The following NELL1 variants were observed in gnomAD, a reference collection of about 807,000 sequenced individuals.
NELL1 encodes the protein protein kinase C-binding protein NELL1.
A neutral mutation model predicts 107.4 loss-of-function variants in NELL1; 76 were observed. That is an observed-to-expected ratio of 0.71 (90% CI 0.59 to 0.86). The LOEUF (loss-of-function observed/expected upper bound fraction) is 0.86. Among genes scored for constraint, NELL1 ranks in the 40% least tolerant of loss-of-function variants. NELL1 has a pLI of 0.00. For synonymous variants in NELL1, 353 were observed against 341.2 expected (o/e 1.03, Z -0.38); for missense variants, 1,024 against 1,005.5 (o/e 1.02, Z -0.25).
intron 15 of NELL1, among the ~76,000 whole-genome samples, chr11:21,383,073 T>C (rs745827557): frequency 3.9e-5 from 6 of 151,996 alleles, no homozygotes; most frequent in Non-Finnish European, 8.8e-5. Context: ...AAAAGGCTAA[T>C]TGAAGCCAAT....
chr11:21,435,431 G>A (rs1021793279), intron 15 of NELL1, among the ~76,000 whole-genome samples: 9 of 124,754 alleles, frequency 7.2e-5, no homozygotes, highest in African/African-American at 3.1e-4. Flanking sequence ...AGCTTTTATT[G>A]TTTTTTGTTT....
chr11:21,132,852 C>CCAGA lies in NELL1; in HGVS notation c.1426+19138_1426+19139insCAGA, dbSNP rs1464282345. ...TGCGTTGCTGCTCTTTCAGTCCTGC[C>CCAGA]ATTTGATGGGTCCCAATTTCTTGTC... On this transcript the variant is annotated intron_variant, in intron 13 of 19. Coordinates refer to ENST00000357134, the MANE Select transcript of NELL1 (RefSeq NM_006157.5). Among the ~76,000 whole-genome samples, 12 of 152,126 alleles carry CCAGA rather than the reference C, an allele frequency of 7.9e-5. 1 individual carries two copies. The South Asian group carries it at 1.2e-3, about 16-fold the overall frequency.
At chr11:20,778,681 T>C (rs564730147) in intron 2 of NELL1, among the ~76,000 whole-genome samples, 2 of 152,048 alleles carry the variant, frequency 1.3e-5, no homozygotes, top group Non-Finnish European at 2.9e-5. Context: ...AACGCCATTT[T>C]CCCCCGTTTT....
chr11:20,989,199 TTG>T (rs1399119798), intron 12 of NELL1, among the ~76,000 whole-genome samples: 1 of 152,106 alleles, frequency 6.6e-6, no homozygotes, highest in Non-Finnish European at 1.5e-5. Context: ...GAGGAAGAGT[TTG>T]TGATCTCTGG....
At chr11:20,817,439 T>C (rs933778678) in intron 3 of NELL1, among the ~76,000 whole-genome samples, 2 of 152,202 alleles carry the variant, frequency 1.3e-5, no homozygotes, top group African/African-American at 2.4e-5. Flanking sequence ...GTGTTCATAA[T>C]AGTCTCTGAG....
intron 15 of NELL1, among the ~76,000 whole-genome samples, chr11:21,393,962 G>T (rs1287154325): frequency 1.3e-5 from 2 of 151,586 alleles, no homozygotes; most frequent in Non-Finnish European, 3.0e-5. Flanking sequence ...GTGATCAGTA[G>T]TTAGAATTCT....
At chr11:21,453,540 T>G (rs1173927891) in intron 15 of NELL1, among the ~76,000 whole-genome samples, 2 of 152,108 alleles carry the variant, frequency 1.3e-5, no homozygotes, top group African/African-American at 4.8e-5. Context: ...CTTACTTAAA[T>G]GGCATGTAAT....
chr11:20,691,183 G>A (rs1682063865), intron 2 of NELL1, among the ~76,000 whole-genome samples: 2 of 152,126 alleles, frequency 1.3e-5, no homozygotes, highest in East Asian at 3.9e-4. Flanking sequence ...GAGATTTTGG[G>A]CTGAGACAAT....
At position 20,959,782 on chromosome 11, in the gene NELL1, G is replaced by A. The variant is rs557671237; in HGVS notation, c.1172-650G>A. ...CACCGCTAAAGAACTTATGTAACAA[G>A]ACACCACCTGTTCCCCAAAACCTAT... is the stretch of plus-strand genomic sequence containing the variant. On this transcript the variant is annotated intron_variant, in intron 11 of 19. Transcript: ENST00000357134. Among the ~76,000 whole-genome samples, 13 of 152,228 alleles carry A rather than the reference G, an allele frequency of 8.5e-5. No homozygotes were observed. The South Asian group carries it at 2.7e-3, about 32-fold the overall frequency.
At chr11:21,513,452 C>CTA (rs1855488301) in intron 15 of NELL1, among the ~76,000 whole-genome samples, 1 of 152,026 alleles carries the variant, frequency 6.6e-6, no homozygotes, top group Non-Finnish European at 1.5e-5. Context: ...TTTTGCCAGA[C>CTA]TATAATAACT....
chr11:20,811,744 T>C (rs1436460626), intron 3 of NELL1, among the ~76,000 whole-genome samples: 1 of 152,124 alleles, frequency 6.6e-6, no homozygotes, highest in East Asian at 1.9e-4. Context: ...TAATCAATTA[T>C]TGGCATATGG....
chr11:21,465,281 T>C (rs1400149725), intron 15 of NELL1, among the ~76,000 whole-genome samples: 2 of 152,084 alleles, frequency 1.3e-5, no homozygotes, highest in Admixed American at 6.6e-5. Flanking sequence ...GGAATTATGA[T>C]ACAAAGTATT....
chr11:21,355,226 A>G (rs1850904908), intron 14 of NELL1, among the ~76,000 whole-genome samples: 1 of 152,148 alleles, frequency 6.6e-6, no homozygotes, highest in Non-Finnish European at 1.5e-5. Context: ...CAAGCTCTCA[A>G]AGTCTGACAC....
Position 21,287,740 on chromosome 11 carries a change from C to A in NELL1, c.1549+58286C>A, listed in dbSNP as rs114878356. Among the ~76,000 whole-genome samples the A allele has an allele frequency of 7.3e-3, 1,118 of 152,134 alleles. 15 individuals are homozygous for A. The highest frequency in any genetic ancestry group is 0.025 in the African/African-American group (1,044 of 41,498). On this transcript the variant is annotated intron_variant, in intron 14 of 19. Coordinates refer to ENST00000357134, the MANE Select transcript of NELL1 (RefSeq NM_006157.5). ...TTTGGGGAGTCTTATCTTTTTACCC[C>A]TCTTCCCATTTTTTGCTGAGATTGA...
intron 12 of NELL1, among the ~76,000 whole-genome samples, chr11:20,962,692 G>C: frequency 6.6e-6 from 1 of 152,228 alleles, no homozygotes; most frequent in East Asian, 1.9e-4. Flanking sequence ...TTATAATGCT[G>C]AGTGGATTTT....
intron 12 of NELL1, among the ~76,000 whole-genome samples, chr11:21,075,739 C>T (rs918816182): frequency 6.6e-6 from 1 of 152,192 alleles, no homozygotes; most frequent in Non-Finnish European, 1.5e-5. Flanking sequence ...GGCCTAAGAT[C>T]AGTCTTTGAC....
rs187382432 is a variant in NELL1 at position 20,890,119 on chromosome 11, G to A, written c.603+4579G>A. On this transcript the variant is annotated intron_variant, in intron 5 of 19. Transcript: ENST00000357134. Reference sequence around the variant, plus strand: ...ATCCTACTGGCATCAGTTTGGTGTCGTTCGAGGTCAGAGGTCCCAGAAGGA... The same window carrying A: ...ATCCTACTGGCATCAGTTTGGTGTCATTCGAGGTCAGAGGTCCCAGAAGGA... Among the ~76,000 whole-genome samples, 34 of 152,214 alleles carry A rather than the reference G, an allele frequency of 2.2e-4. 1 individual carries two copies. Among genetic ancestry groups the A allele is most frequent in the African/African-American group, 7.7e-4 (32 of 41,532 alleles).
rs1182344668 is a variant in NELL1, at chr11:20,885,525, G to T, written c.588G>T (p.Lys196Asn). ...INLWLGQRNQ[K>N]HGLFKGIIQD... is the part of the protein sequence containing the mutation. ...TATGGCTTGGCCAGCGCAACCAAAA[G>T]CATGGCTTATTCAAAGTAAGCACTA... The change falls in exon 5 of 20, where the codon AAG becomes AAT. Residue 196 changes from lysine (K) to asparagine (N), a missense_variant. By Grantham distance (94) the Lys-to-Asn change is moderately conservative. Coordinates refer to ENST00000357134, the MANE Select transcript of NELL1 (RefSeq NM_006157.5). The T allele has an allele frequency of 1.9e-6, 3 of 1,608,016 alleles. No individual in the cohort carries two copies. The highest frequency in any genetic ancestry group is 1.7e-5 in the Admixed American group (1 of 59,996).
intron 13 of NELL1, among the ~76,000 whole-genome samples, chr11:21,132,946 G>A (rs1407968393): frequency 2.6e-5 from 4 of 152,190 alleles, no homozygotes; most frequent in Non-Finnish European, 5.9e-5. Flanking sequence ...GCTTTATTGA[G>A]TGACAGAACA....
Sources: allele counts gnomAD v4.1 joint callset (sites outside exome capture counted in the v4.1 genomes callset), GRCh38; gene constraint gnomAD v4.1.1; transcripts MANE v1.5; gene names NCBI Gene and HGNC (gene_info 2026-07-23, HGNC 2026-07-21).